The following ZNF202 variants were observed in gnomAD, a reference collection of about 807,000 sequenced individuals.
ZNF202 encodes the protein zinc finger protein with KRAB and SCAN domains 10.
A neutral mutation model predicts 54.5 loss-of-function variants in ZNF202; 22 were observed. The ratio of observed to expected loss-of-function variants is 0.40; its 90% CI spans 0.29 to 0.58. ZNF202 has a LOEUF of 0.58. ZNF202 is among the 20% of genes least tolerant of loss of function. The pLI, the probability that ZNF202 is intolerant of heterozygous loss-of-function variation, is 0.39. For synonymous variants in ZNF202, 294 were observed against 301.4 expected, an observed-to-expected ratio of 0.98 and a Z score of 0.26; for missense variants, 644 against 805.5, an observed-to-expected ratio of 0.80 and a Z score of 2.43.
At position 123,730,570 on chromosome 11, in the gene ZNF202, G is replaced by A. The variant is rs1244364976; in HGVS notation, c.319C>T (p.Arg107Trp). 4 of 1,599,564 alleles carry A rather than the reference G, an allele frequency of 2.5e-6. No homozygotes were observed. Among genetic ancestry groups the A allele is most frequent in the East Asian group, 2.2e-5 (1 of 44,756 alleles). Reference sequence around the variant, plus strand: ...TCGCCACTTTCTGGCCGTTGGCCCCGCACCCAGCTCTGTAGTTCTCCAGGT... The same window carrying A: ...TCGCCACTTTCTGGCCGTTGGCCCCACACCCAGCTCTGTAGTTCTCCAGGT... ...VLPGELQSWVRGQRPESGEEA... is the reference protein window; with the variant it reads ...VLPGELQSWVWGQRPESGEEA... The change falls in exon 4 of 9, where the codon CGG becomes TGG. Residue 107 changes from arginine to tryptophan, a missense_variant. Arg to Trp is a moderately radical substitution (Grantham distance 101). Transcript: ENST00000530393. The surrounding 1 kb of genome is among the most constrained non-coding windows in gnomAD (Gnocchi z 6.0).
Position 123,727,615 on chromosome 11 carries a change from T to G in ZNF202, c.833-20A>C, listed in dbSNP as rs370204349. The G allele has an allele frequency of 1.5e-4, 249 of 1,613,526 alleles. No individual in the cohort carries two copies. The African/African-American group carries it at 2.1e-3, about 14-fold the overall frequency. ...GAAATGCTGCTCAAGAGAGGGAAAA[T>G]AGGATATCACGATTGGCTCAACAAT... On this transcript the variant is annotated intron_variant, in intron 7 of 8. Coordinates refer to ENST00000530393, the MANE Select transcript of ZNF202 (RefSeq NM_003455.4).
At chr11:123,737,988 G>C (rs141184948) in intron 3 of ZNF202, among the ~76,000 whole-genome samples, 1 of 152,200 alleles carries the variant, frequency 6.6e-6, no homozygotes, top group Non-Finnish European at 1.5e-5. Flanking sequence ...ATTTACTCAA[G>C]AGCTGAGGAC....
rs909100378 is a variant in ZNF202 at position 123,729,894 on chromosome 11, T to C, written c.403-69A>G. On this transcript the variant is annotated intron_variant, in intron 4 of 8. Coordinates refer to ENST00000530393, the MANE Select transcript of ZNF202 (RefSeq NM_003455.4). Reference sequence around the variant, plus strand: ...AGTTCTTGGTTGTCACGGGAGCTTATTTTAGGAGAAGATGCCTAGAGAAAA... The same window carrying C: ...AGTTCTTGGTTGTCACGGGAGCTTACTTTAGGAGAAGATGCCTAGAGAAAA... 5 of 1,481,320 alleles carry C rather than the reference T, an allele frequency of 3.4e-6. No homozygotes were observed. In the African/African-American group the frequency reaches 7.0e-5, roughly 21 times the overall value. The allele number at this position is 1,481,320 out of a possible 1,614,324, so 91.8% of individuals were successfully genotyped here.
At chr11:123,737,289 A>G (rs1278040362) in intron 3 of ZNF202, among the ~76,000 whole-genome samples, 3 of 152,226 alleles carry the variant, frequency 2.0e-5, no homozygotes, top group Non-Finnish European at 4.4e-5. Context: ...CAATGAATGA[A>G]AGGGAATGAA....
chr11:123,731,469 A>G (rs1861403309), intron 3 of ZNF202, among the ~76,000 whole-genome samples: 1 of 152,228 alleles, frequency 6.6e-6, no homozygotes, highest in Non-Finnish European at 1.5e-5. Context: ...AATTCAGGTA[A>G]CTGTATGTTT....
At chr11:123,732,665 T>C (rs1484540347) in intron 3 of ZNF202, among the ~76,000 whole-genome samples, 1 of 152,180 alleles carries the variant, frequency 6.6e-6, no homozygotes, top group Non-Finnish European at 1.5e-5. Context: ...TACATAGCCA[T>C]CGCTCATCTT....
At chr11:123,734,099 G>C (rs187194597) in intron 3 of ZNF202, among the ~76,000 whole-genome samples, 1 of 152,172 alleles carries the variant, frequency 6.6e-6, no homozygotes, top group East Asian at 1.9e-4. Context: ...TTTTGAGAGA[G>C]AGAGACAGAG....
intron 3 of ZNF202, among the ~76,000 whole-genome samples, chr11:123,731,977 A>G (rs1393752115): frequency 1.3e-5 from 2 of 152,214 alleles, no homozygotes; most frequent in Non-Finnish European, 2.9e-5. Context: ...GTTATAAAAA[A>G]TGCATTGCTG....
rs757246636 is a variant in ZNF202, at chr11:123,726,131, T to C, written c.1813A>G (p.Arg605Gly). The change falls in exon 9 of 9, where the codon AGG becomes GGG. Residue 605 changes from arginine (R) to glycine (G), a missense_variant. Arg to Gly is a moderately radical substitution (Grantham distance 125). This residue lies in a region of ZNF202 where 536 missense variants were observed against 635.3 expected (regional missense o/e 0.84). Transcript: ENST00000530393. This position sits in a 1 kb window ranked among gnomAD's most constrained non-coding sequence, Gnocchi z 6.0. ...CTCTGATGCCTGACGAGGTGGTCCC[T>C]GCGACTGAAGCTCTTCCCACATTCG... is the stretch of plus-strand genomic sequence containing the variant. ...CNECGKSFSRRDHLVRHQRTH... is the reference protein window; with the variant it reads ...CNECGKSFSRGDHLVRHQRTH... 1.2e-6 allele frequency: 2 copies of C among 1,614,250 alleles called. No individual in the cohort carries two copies. The highest frequency in any genetic ancestry group is 1.7e-6 in the Non-Finnish European group (2 of 1,180,042).
rs571658461 is a variant in ZNF202 at position 123,725,684 on chromosome 11, T to C, written c.*313A>G. On this transcript the variant is annotated 3_prime_UTR_variant, in exon 9 of 9. Transcript: ENST00000530393. ...ATGTAACAGCCTATTTTTTGGACGA[T>C]ATAGGAACCACGACCTCTTAAGTCT... 6 of 286,562 alleles carry C rather than the reference T, an allele frequency of 2.1e-5. No individual in the cohort carries two copies. The highest frequency in any genetic ancestry group is 8.5e-5 in the African/African-American group (4 of 46,790). The allele number at this position is 286,562 out of a possible 1,614,324, so 17.8% of individuals were successfully genotyped here.
In ZNF202 at chr11:123,730,733, G is replaced by A. The variant is rs950285888; in HGVS notation, c.156C>T (p.Phe52=). Residue 52 remains phenylalanine, a synonymous_variant, in exon 4 of 9, where the codon TTC becomes TTT. Transcript: ENST00000530393. This position sits in a 1 kb window ranked among gnomAD's most constrained non-coding sequence, Gnocchi z 6.0. ...LETSHQNFRR[F]RYQEAASPRE... is the part of the protein sequence containing the mutation. Reference sequence around the variant, plus strand: ...TAGGGCTTGCTGCCTCCTGGTAGCGGAAGCGTCGGAAGTTCTGGTGGGAGG... The same window carrying A: ...TAGGGCTTGCTGCCTCCTGGTAGCGAAAGCGTCGGAAGTTCTGGTGGGAGG... 6.2e-7 allele frequency: 1 copy of A among 1,614,252 alleles called. No individual in the cohort carries two copies. Among genetic ancestry groups the A allele is most frequent in the Non-Finnish European group, 8.5e-7 (1 of 1,180,042 alleles).
intron 5 of ZNF202, 56 bp downstream of exon 5, chr11:123,729,558 GT>G (rs1861311240): frequency 1.7e-6 from 2 of 1,211,614 alleles, no homozygotes; most frequent in Admixed American, 5.6e-5. Flanking sequence ...TCCGAGAAAT[GT>G]CCCCCTCCTT....
At position 123,726,293 on chromosome 11, in the gene ZNF202, G is replaced by T; in HGVS notation, c.1651C>A (p.Arg551=). ...ECGEDFSEHR[R]YLAHRKTHAA... is the part of the protein sequence containing the mutation. ...TGCGTCTTCCGGTGCGCCAGGTACC[G>T]CCTGTGTTCACTGAAGTCCTCACCA... Residue 551 remains arginine (R), a synonymous_variant, in exon 9 of 9, where the codon CGG becomes AGG. Transcript: ENST00000530393. The surrounding 1 kb of genome is among the most constrained non-coding windows in gnomAD (Gnocchi z 6.0). 1.9e-6 allele frequency: 3 copies of T among 1,614,204 alleles called. No homozygotes were observed. The highest frequency in any genetic ancestry group is 2.5e-6 in the Non-Finnish European group (3 of 1,180,044).
At chr11:123,728,820 T>TA (rs11428083) in intron 6 of ZNF202, among the ~76,000 whole-genome samples, 21,072 of 142,888 alleles carry the variant, frequency 0.15, 1,612 homozygotes, top group East Asian at 0.28. Context: ...TTTATTCCTT[T>TA]AAAAAAAAAA....
chr11:123,734,731 T>C (rs1480965405), intron 3 of ZNF202, among the ~76,000 whole-genome samples: 1 of 152,108 alleles, frequency 6.6e-6, no homozygotes, highest in African/African-American at 2.4e-5. Flanking sequence ...CACCAGGCAC[T>C]CACTTCACAT....
At chr11:123,733,165 T>A (rs1861484401) in intron 3 of ZNF202, among the ~76,000 whole-genome samples, 1 of 152,218 alleles carries the variant, frequency 6.6e-6, no homozygotes, top group Non-Finnish European at 1.5e-5. Flanking sequence ...TTGCCTCACA[T>A]CCACATTCAA....
rs953826592 is a variant in ZNF202 at position 123,725,657 on chromosome 11, A to T, written c.*340T>A. On this transcript the variant is annotated 3_prime_UTR_variant, in exon 9 of 9. Transcript: ENST00000530393. ...TTGAAGCTGTTGAGCAGTCTTTAGG[A>T]TATGTAACAGCCTATTTTTTGGACG... The T allele has an allele frequency of 4.5e-6, 1 of 222,650 alleles. No homozygotes were observed. Among genetic ancestry groups the T allele is most frequent in the African/African-American group, 2.3e-5 (1 of 44,190 alleles). The allele number at this position is 222,650 out of a possible 1,614,324, so 13.8% of individuals were successfully genotyped here. A position where few individuals can be genotyped will look rare whatever the true frequency, so the allele number is the denominator to read the frequency against.
intron 3 of ZNF202, among the ~76,000 whole-genome samples, 158 bp from the exon 4 acceptor site, chr11:123,731,143 G>C (rs752120785): frequency 2.0e-5 from 3 of 152,178 alleles, no homozygotes; most frequent in Non-Finnish European, 4.4e-5. Context: ...ATCCAGTTGG[G>C]AGAGGATAAT....
In ZNF202 at chr11:123,726,543, AG is replaced by A; in HGVS notation, c.1400del (p.Pro467LeufsTer2). Reference sequence around the variant, plus strand: ...ATGGAGTTCTCTCAGCCTGTGTCACAGGGGAGGTCTCTTCCAAATTCTTCCG... The same window carrying A: ...ATGGAGTTCTCTCAGCCTGTGTCACAGGGAGGTCTCTTCCAAATTCTTCCG... ...LNRKNLEETS[P>X]VTQAERTPSV... On this transcript the variant is annotated frameshift_variant, in exon 9 of 9. Transcript: ENST00000530393. LOFTEE classifies it high-confidence loss of function. The surrounding 1 kb of genome is among the most constrained non-coding windows in gnomAD (Gnocchi z 6.0). 6.2e-7 allele frequency: 1 copy of A among 1,614,226 alleles called. No individual in the cohort carries two copies. Among genetic ancestry groups the A allele is most frequent in the Non-Finnish European group, 8.5e-7 (1 of 1,180,040 alleles).
Sources: allele counts gnomAD v4.1 joint callset (sites outside exome capture counted in the v4.1 genomes callset), GRCh38; gene constraint gnomAD v4.1.1; regional missense constraint gnomAD v4.1.1; non-coding constraint Gnocchi (gnomAD v3.1); transcripts MANE v1.5; gene names NCBI Gene and HGNC (gene_info 2026-07-23, HGNC 2026-07-21).